The following MAF variants were observed in gnomAD, a reference collection of about 807,000 sequenced individuals.
The protein encoded by MAF is MAF bZIP transcription factor, also known as transcription factor Maf.
A neutral mutation model predicts 22.0 loss-of-function variants in MAF; 10 were observed. The observed-to-expected ratio is 0.45, with a 90% CI of 0.28 to 0.77. The LOEUF is 0.77. Among genes scored for constraint, MAF ranks in the 30% least tolerant of loss-of-function variants. The pLI, the probability that MAF is intolerant of heterozygous loss-of-function variation, is 0.12. For missense variants in MAF, 544 were observed against 548.4 expected, an observed-to-expected ratio of 0.99 and a Z score of 0.08; for synonymous variants, 337 against 255.8, an observed-to-expected ratio of 1.32 and a Z score of -3.03.
the MAF span, among the ~76,000 whole-genome samples, chr16:79,356,274 C>T: frequency 1.3e-5 from 2 of 152,272 alleles, no homozygotes; most frequent in African/African-American, 4.8e-5. Flanking sequence ...CGACACAGCT[C>T]TCTAAAACCC....
chr16:79,565,849 C>G, the MAF span, among the ~76,000 whole-genome samples: 1 of 152,112 alleles, frequency 6.6e-6, no homozygotes, highest in African/African-American at 2.4e-5. Context: ...CTGAAATATT[C>G]CGAGGTAGGC....
chr16:79,542,053 C>G, the MAF span, among the ~76,000 whole-genome samples: 2 of 152,188 alleles, frequency 1.3e-5, no homozygotes, highest in African/African-American at 2.4e-5. Context: ...AAAAGCTAAG[C>G]TGGTTGGTCC....
chr16:79,295,683 T>C, the MAF span, among the ~76,000 whole-genome samples: 1 of 152,234 alleles, frequency 6.6e-6, no homozygotes, highest in South Asian at 2.1e-4. Context: ...CATATTCTCG[T>C]TGGAGAAGGT....
chr16:79,531,906 T>C, the MAF span, among the ~76,000 whole-genome samples: 1 of 152,076 alleles, frequency 6.6e-6, no homozygotes, highest in Non-Finnish European at 1.5e-5. Flanking sequence ...TGTCCTATCC[T>C]ATTAACTGTG....
At chr16:79,379,650 C>T in the MAF span, among the ~76,000 whole-genome samples, 24 of 152,300 alleles carry the variant, frequency 1.6e-4, no homozygotes, top group East Asian at 2.9e-3. Flanking sequence ...CAAGAGTGGT[C>T]ACTTTGAATA....
the MAF span, chr16:79,212,081 TC>T: frequency 6.5e-7 from 1 of 1,536,284 alleles, no homozygotes; most frequent in Non-Finnish European, 8.7e-7. Context: ...GTTCCGTATC[TC>T]CCTGGAGAAG....
chr16:79,235,198 T>A, the MAF span, among the ~76,000 whole-genome samples: 6 of 152,052 alleles, frequency 3.9e-5, no homozygotes, highest in Non-Finnish European at 7.4e-5. Flanking sequence ...TCTGGGGACA[T>A]CCTCAAAGCA....
chr16:79,398,848 G>C, the MAF span, among the ~76,000 whole-genome samples: 4 of 152,168 alleles, frequency 2.6e-5, no homozygotes, highest in Non-Finnish European at 4.4e-5. Context: ...AGTTGAGCTA[G>C]GCCAGGCATT....
the MAF span, among the ~76,000 whole-genome samples, chr16:79,363,080 G>T: frequency 1.3e-5 from 2 of 152,020 alleles, no homozygotes; most frequent in African/African-American, 4.8e-5. Context: ...TAAAAGGGGG[G>T]GAACATGCAG....
chr16:79,392,127 A>G, the MAF span, among the ~76,000 whole-genome samples: 3 of 145,454 alleles, frequency 2.1e-5, no homozygotes, highest in African/African-American at 7.7e-5. Flanking sequence ...AGAGAAGAAG[A>G]GAGGGAACTG....
chr16:79,210,672 T>A, the MAF span, among the ~76,000 whole-genome samples: 2 of 152,194 alleles, frequency 1.3e-5, no homozygotes, highest in Non-Finnish European at 2.9e-5. Context: ...ATTAGAGACG[T>A]GCCGACCATG....
chr16:79,289,471 A>T, the MAF span, among the ~76,000 whole-genome samples: 2 of 152,158 alleles, frequency 1.3e-5, no homozygotes, highest in Admixed American at 1.3e-4. Context: ...AGGCAGAGGA[A>T]GCAGGTTTTT....
the MAF span, among the ~76,000 whole-genome samples, chr16:79,362,948 A>G: frequency 6.6e-6 from 1 of 152,200 alleles, no homozygotes; most frequent in Non-Finnish European, 1.5e-5. Context: ...AGCTTCTTTT[A>G]TGATTAACTA....
At chr16:79,575,990 A>G in the MAF span, among the ~76,000 whole-genome samples, 7 of 152,206 alleles carry the variant, frequency 4.6e-5, 1 homozygote, top group Admixed American at 6.5e-5. Flanking sequence ...CAGGGAGCCT[A>G]TGAACACAGT....
the MAF span, among the ~76,000 whole-genome samples, chr16:79,534,601 G>A: frequency 6.6e-6 from 1 of 151,908 alleles, no homozygotes; most frequent in Non-Finnish European, 1.5e-5. Context: ...ATGGGGGGAG[G>A]GAGGAGGGAT....
the MAF span, among the ~76,000 whole-genome samples, chr16:79,448,446 G>A: frequency 0.085 from 12,799 of 150,774 alleles, 690 homozygotes; most frequent in Non-Finnish European, 0.12. Context: ...TTGTTTTTGA[G>A]GAGGAGTCTT....
the MAF span, among the ~76,000 whole-genome samples, chr16:79,563,037 C>A: frequency 6.6e-6 from 1 of 152,354 alleles, no homozygotes; most frequent in Non-Finnish European, 1.5e-5. Context: ...CAGCAAATAT[C>A]AAGTCAGTGT....
At chr16:79,540,275 G>C in the MAF span, among the ~76,000 whole-genome samples, 1 of 151,698 alleles carries the variant, frequency 6.6e-6, no homozygotes, top group Non-Finnish European at 1.5e-5. Context: ...TCCCCAGGGA[G>C]GCCATCTCCA....
chr16:79,403,644 C>G, the MAF span, among the ~76,000 whole-genome samples: 1 of 152,204 alleles, frequency 6.6e-6, no homozygotes, highest in Non-Finnish European at 1.5e-5. Flanking sequence ...TTCCTCTTCA[C>G]CTCTGGAGTC....
Sources: gnomAD v4.1 joint callset for allele counts (sites outside exome capture counted in the v4.1 genomes callset) on GRCh38, gnomAD v4.1.1 for gene constraint, MANE v1.5 for transcripts, NCBI Gene and HGNC (gene_info 2026-07-23, HGNC 2026-07-21) for gene names.